Variants in PPP6C observed in about 807,000 individuals in gnomAD.
The protein encoded by PPP6C is serine/threonine-protein phosphatase 6 catalytic subunit.
A neutral mutation model predicts 39.8 loss-of-function variants in PPP6C; 11 were observed. That is an observed-to-expected ratio of 0.28 (90% CI 0.17 to 0.46). PPP6C has a LOEUF of 0.46. PPP6C is among the 20% of genes least tolerant of loss of function. The pLI is 1.00. For synonymous variants in PPP6C, 129 were observed against 130.3 expected, an observed-to-expected ratio of 0.99 and a Z score of 0.07; for missense variants, 211 against 373.9, an observed-to-expected ratio of 0.56 and a Z score of 3.59.
rs752259953 is a variant in PPP6C at position 125,160,948 on chromosome 9, TAAG to T, written c.172-45_172-43del. 4.2e-6 allele frequency: 6 copies of T among 1,422,308 alleles called. No homozygotes were observed. In the East Asian group the frequency reaches 1.5e-4, roughly 35 times the overall value. 88.1% of individuals were successfully genotyped at this position (1,422,308 alleles called of 1,614,324 possible). On this transcript the variant is annotated intron_variant, in intron 2 of 6. Coordinates refer to ENST00000373547, the MANE Select transcript of PPP6C (RefSeq NM_002721.5). ...ATACATGCTGATTACAAATTCCTGT[TAAG>T]AAGCAAAGCAACAAAACTGAGAGTG... is the stretch of plus-strand genomic sequence containing the variant.
At chr9:125,155,834 G>A (rs1206885659) in intron 4 of PPP6C, among the ~76,000 whole-genome samples, 4 of 151,228 alleles carry the variant, frequency 2.6e-5, no homozygotes, top group African/African-American at 9.7e-5. Flanking sequence ...GAACCCAGTA[G>A]GCAGAGCTTG....
At chr9:125,168,070 T>C (rs1428316509) in intron 2 of PPP6C, among the ~76,000 whole-genome samples, 1 of 152,178 alleles carries the variant, frequency 6.6e-6, no homozygotes. Flanking sequence ...TATTCTAGTG[T>C]CATTCCCTTG....
At chr9:125,166,338 T>A (rs1329345861) in intron 2 of PPP6C, among the ~76,000 whole-genome samples, 1 of 152,164 alleles carries the variant, frequency 6.6e-6, no homozygotes, top group Non-Finnish European at 1.5e-5. Flanking sequence ...TCAAATTTTG[T>A]CATCGGCAAC....
At chr9:125,189,088 T>C (rs1034168023) in intron 1 of PPP6C, 5 of 620,648 alleles carry the variant, frequency 8.1e-6, no homozygotes, top group African/African-American at 7.4e-5. Flanking sequence ...AAAAAGCAAT[T>C]TGGAGGAGTG....
chr9:125,175,828 G>C (rs1336044695), intron 1 of PPP6C, among the ~76,000 whole-genome samples: 1 of 152,070 alleles, frequency 6.6e-6, no homozygotes, highest in African/African-American at 2.4e-5. Context: ...TATGTTACCA[G>C]GTATTGTTCT....
Position 125,150,878 on chromosome 9 carries a change from C to A in PPP6C, c.670-957G>T, listed in dbSNP as rs72767003. The A allele has an allele frequency of 6.0e-6, 5 of 827,494 alleles. No individual in the cohort carries two copies. In the African/African-American group the frequency reaches 8.4e-5, roughly 14 times the overall value. 51.3% of individuals were successfully genotyped at this position (827,494 alleles called of 1,614,324 possible). On this transcript the variant is annotated intron_variant, in intron 6 of 6. Transcript: ENST00000373547. ...TGCCTTTGATCATGACTAATACCTG[C>A]AAGACTGCTTCAGCGAGCCAGCTTA...
intron 1 of PPP6C, among the ~76,000 whole-genome samples, chr9:125,175,952 T>G (rs1443024017): frequency 6.6e-6 from 1 of 152,148 alleles, no homozygotes; most frequent in South Asian, 2.1e-4. Flanking sequence ...AACAGTAATT[T>G]GTCACATAGT....
chr9:125,151,698 C>T (rs545903709), intron 6 of PPP6C: 6 of 402,168 alleles, frequency 1.5e-5, no homozygotes, highest in Middle Eastern at 1.5e-3. Context: ...TCCAGTGTAG[C>T]TTTCTATATC....
Position 125,152,915 on chromosome 9 carries a change from A to G in PPP6C, c.669+618T>C, listed in dbSNP as rs1226163965. 5.9e-5 allele frequency among the ~76,000 whole-genome samples: 4 copies of G among 68,054 alleles called. No individual in the cohort carries two copies. The East Asian group carries it at 1.7e-3, about 28-fold the overall frequency. 44.6% of individuals were successfully genotyped at this position (68,054 alleles called of 152,430 possible). A position where few individuals can be genotyped will look rare whatever the true frequency, so the allele number is the denominator to read the frequency against. Reference sequence around the variant, plus strand: ...TCTGTGTGATTTGAGGTCTTTGAGAAAAAAAAAAAAAAGTATTGCCTATCT... The same window carrying G: ...TCTGTGTGATTTGAGGTCTTTGAGAGAAAAAAAAAAAAGTATTGCCTATCT... On this transcript the variant is annotated intron_variant, in intron 6 of 6. Transcript: ENST00000373547.
chr9:125,151,285 C>G, intron 6 of PPP6C: 1 of 1,495,074 alleles, frequency 6.7e-7, no homozygotes, highest in Non-Finnish European at 9.3e-7. Context: ...TGGTGGCCAT[C>G]CTTGCGGATG....
At position 125,188,742 on chromosome 9, in the gene PPP6C, C is replaced by A. The variant is rs181645969; in HGVS notation, c.75+902G>T. 5.4e-3 allele frequency among the ~76,000 whole-genome samples: 821 copies of A among 151,618 alleles called. 22 individuals are homozygous for A. The East Asian group carries it at 0.08, about 15-fold the overall frequency. ...GAGGTTGCAGTGAGCCAAGATCGCA[C>A]CGCTGCACTCCAGCCTGGGTGACAG... On this transcript the variant is annotated intron_variant, in intron 1 of 6. Transcript: ENST00000373547.
At chr9:125,155,118 C>T (rs890169699) in intron 4 of PPP6C, among the ~76,000 whole-genome samples, 3 of 152,118 alleles carry the variant, frequency 2.0e-5, no homozygotes, top group Admixed American at 1.3e-4. Flanking sequence ...GTTGTCCAGG[C>T]TGGTCTTGAA....
chr9:125,157,766 C>T (rs1205212070), intron 4 of PPP6C, among the ~76,000 whole-genome samples: 8 of 150,710 alleles, frequency 5.3e-5, no homozygotes, highest in African/African-American at 1.7e-4. Context: ...TCTCGGCTCA[C>T]CACAAACTCT....
chr9:125,183,756 G>C (rs1233067262), intron 1 of PPP6C, among the ~76,000 whole-genome samples: 1 of 152,014 alleles, frequency 6.6e-6, no homozygotes, highest in Non-Finnish European at 1.5e-5. Context: ...TCTGCCCCTC[G>C]TAACTGCTCC....
rs1173414164 is a variant in PPP6C at position 125,160,837 on chromosome 9, A to T, written c.237+4T>A. On this transcript the variant is annotated splice_donor_region_variant and intron_variant, in intron 3 of 6. Transcript: ENST00000373547. Reference sequence around the variant, plus strand: ...AGCACTTGATATCACTGGTGTTTACATACCATAAATATGTAGTTTGTGTCA... The same window carrying T: ...AGCACTTGATATCACTGGTGTTTACTTACCATAAATATGTAGTTTGTGTCA... 1.1e-5 allele frequency: 18 copies of T among 1,567,280 alleles called. No homozygotes were observed. The East Asian group carries it at 4.2e-4, about 36-fold the overall frequency.
At position 125,148,928 on chromosome 9, in the gene PPP6C, G is replaced by C. The variant is rs536501705; in HGVS notation, c.*745C>G. On this transcript the variant is annotated 3_prime_UTR_variant, in exon 7 of 7. Transcript: ENST00000373547. The stretch of plus-strand genomic sequence containing the variant: ...CCAAAGGGTCAAGAACTCTGATTAG[G>C]AAAAAAGAAAAGATAACTTTACGCT... 7 of 151,894 alleles carry C rather than the reference G, an allele frequency of 4.6e-5. No individual in the cohort carries two copies. The South Asian group carries it at 1.5e-3, about 32-fold the overall frequency. 9.4% of individuals were successfully genotyped at this position (151,894 alleles called of 1,614,324 possible). A position where few individuals can be genotyped will look rare whatever the true frequency, so the allele number is the denominator to read the frequency against.
In PPP6C at chr9:125,149,383, C is replaced by T. The variant is rs544082783; in HGVS notation, c.*290G>A. On this transcript the variant is annotated 3_prime_UTR_variant, in exon 7 of 7. Transcript: ENST00000373547. ...AAGGAAACACATCCTGTTTCCCAGA[C>T]CAGTAAATAAGCAAGAGCTACATGC... The T allele has an allele frequency of 2.9e-5, 8 of 276,332 alleles. No individual in the cohort carries two copies. The East Asian group carries it at 3.2e-4, about 11-fold the overall frequency. 17.1% of individuals were successfully genotyped at this position (276,332 alleles called of 1,614,324 possible).
At chr9:125,181,431 CCCATCAA>C (rs1829419489) in intron 1 of PPP6C, among the ~76,000 whole-genome samples, 2 of 152,186 alleles carry the variant, frequency 1.3e-5, no homozygotes, top group East Asian at 3.9e-4. Flanking sequence ...GTTTCCTGCA[CCCATCAA>C]CCCATCATCT....
At chr9:125,182,295 CCTTT>C (rs1234079029) in intron 1 of PPP6C, among the ~76,000 whole-genome samples, 1 of 152,078 alleles carries the variant, frequency 6.6e-6, no homozygotes, top group Middle Eastern at 3.2e-3. Context: ...CATACTACTT[CCTTT>C]ATCTACTTTT....
Sources: gnomAD v4.1 joint callset for allele counts (sites outside exome capture counted in the v4.1 genomes callset) on GRCh38, gnomAD v4.1.1 for gene constraint, MANE v1.5 for transcripts, NCBI Gene and HGNC (gene_info 2026-07-23, HGNC 2026-07-21) for gene names.